The following KLHL1 variants were observed in gnomAD, a reference collection of about 807,000 sequenced individuals.
KLHL1 encodes kelch like family member 1.
Under a neutral mutation model 77.7 loss-of-function variants are expected in KLHL1, and 47 were observed. That is an observed-to-expected ratio of 0.60 (90% confidence interval 0.48 to 0.77). The LOEUF is 0.77. KLHL1 is among the 30% of genes least tolerant of loss of function. The pLI is 0.00. For missense variants in KLHL1, 925 were observed against 910.8 expected (o/e 1.02, Z -0.20); for synonymous variants, 360 against 325.2 (o/e 1.11, Z -1.15).
intron 1 of KLHL1, among the ~76,000 whole-genome samples, chr13:70,081,012 G>T (rs1219184285): frequency 6.6e-6 from 1 of 152,152 alleles, no homozygotes; most frequent in African/African-American, 2.4e-5. Context: ...ATTGCAAAGT[G>T]CATATCATAA....
intron 9 of KLHL1, among the ~76,000 whole-genome samples, chr13:69,710,611 T>A (rs1875828789): frequency 6.6e-6 from 1 of 152,022 alleles, no homozygotes; most frequent in South Asian, 2.1e-4. Context: ...TTTTTCTATA[T>A]TCAGGAACTC....
chr13:70,014,928 C>T (rs553143135), intron 1 of KLHL1, among the ~76,000 whole-genome samples: 74 of 152,060 alleles, frequency 4.9e-4, no homozygotes, highest in Non-Finnish European at 9.1e-4. Context: ...CATTTTAAAA[C>T]AACACATTTA....
chr13:69,918,006 G>T (rs1469104448), intron 4 of KLHL1, among the ~76,000 whole-genome samples: 2 of 152,134 alleles, frequency 1.3e-5, no homozygotes, highest in East Asian at 1.9e-4. Flanking sequence ...TTGATATGTT[G>T]TAAGGCACCC....
At chr13:70,100,399 A>AT (rs567693973) in intron 1 of KLHL1, among the ~76,000 whole-genome samples, 1 of 151,944 alleles carries the variant, frequency 6.6e-6, no homozygotes, top group Non-Finnish European at 1.5e-5. Flanking sequence ...AGCTTGCTAC[A>AT]TTTTTTTGTC....
At chr13:69,869,059 T>C (rs1880480683) in intron 5 of KLHL1, among the ~76,000 whole-genome samples, 1 of 151,874 alleles carries the variant, frequency 6.6e-6, no homozygotes, top group African/African-American at 2.4e-5. Context: ...AGCTAGAAAA[T>C]ATCGGGGGTG....
At chr13:69,976,107 T>C (rs1003695778) in intron 1 of KLHL1, among the ~76,000 whole-genome samples, 1 of 152,060 alleles carries the variant, frequency 6.6e-6, no homozygotes, top group African/African-American at 2.4e-5. Context: ...AATAGTAAAT[T>C]ATTTACATGC....
intron 1 of KLHL1, among the ~76,000 whole-genome samples, chr13:70,024,521 C>T (rs1035271626): frequency 5.3e-5 from 8 of 151,602 alleles, no homozygotes; most frequent in African/African-American, 7.3e-5. Flanking sequence ...TTCTCCTCAA[C>T]GTAAGTTTTT....
At chr13:69,944,280 T>C (rs1883450255) in intron 3 of KLHL1, among the ~76,000 whole-genome samples, 1 of 152,186 alleles carries the variant, frequency 6.6e-6, no homozygotes, top group Non-Finnish European at 1.5e-5. Context: ...GTGAGCTTCC[T>C]TGGTTGACAT....
chr13:69,882,999 C>CTAT (rs1278283180), intron 4 of KLHL1, among the ~76,000 whole-genome samples: 3 of 152,122 alleles, frequency 2.0e-5, no homozygotes, highest in South Asian at 4.1e-4. Context: ...TTCCATCCTG[C>CTAT]TATTATCTCT....
intron 10 of KLHL1, among the ~76,000 whole-genome samples, chr13:69,705,063 T>A (rs1269423041): frequency 6.6e-6 from 1 of 151,744 alleles, no homozygotes; most frequent in Non-Finnish European, 1.5e-5. Flanking sequence ...GGTTAATAAA[T>A]GACACATTGT....
At chr13:69,778,332 A>AT (rs1875941878) in intron 7 of KLHL1, among the ~76,000 whole-genome samples, 1 of 152,184 alleles carries the variant, frequency 6.6e-6, no homozygotes, top group South Asian at 2.1e-4. Context: ...AAGGTTTCTT[A>AT]TAAAAAGAAA....
intron 4 of KLHL1, among the ~76,000 whole-genome samples, chr13:69,899,422 T>G (rs1881778792): frequency 6.6e-6 from 1 of 152,206 alleles, no homozygotes; most frequent in African/African-American, 2.4e-5. Flanking sequence ...ATCCTCTGCA[T>G]AAGAAGTACA....
chr13:69,928,720 A>G (rs912400481), intron 4 of KLHL1, among the ~76,000 whole-genome samples: 1 of 152,180 alleles, frequency 6.6e-6, no homozygotes, highest in African/African-American at 2.4e-5. Flanking sequence ...ATGCCCATCA[A>G]TTGAATATCT....
At chr13:70,090,014 G>C (rs1887635573) in intron 1 of KLHL1, among the ~76,000 whole-genome samples, 1 of 151,994 alleles carries the variant, frequency 6.6e-6, no homozygotes, top group South Asian at 2.1e-4. Flanking sequence ...CCTCTGAAAA[G>C]CCCATTTAAT....
chr13:70,011,539 A>G (rs1885533688), intron 1 of KLHL1, among the ~76,000 whole-genome samples: 2 of 152,100 alleles, frequency 1.3e-5, no homozygotes, highest in South Asian at 4.1e-4. Flanking sequence ...GGAAATTAGA[A>G]GTTTGATTTT....
intron 6 of KLHL1, among the ~76,000 whole-genome samples, chr13:69,821,855 C>T (rs921774451): frequency 1.3e-5 from 2 of 152,014 alleles, no homozygotes; most frequent in African/African-American, 4.8e-5. Flanking sequence ...ATTAATAGAA[C>T]TTAAGCTAAA....
chr13:69,995,770 C>T (rs1292568987), intron 1 of KLHL1, among the ~76,000 whole-genome samples: 2 of 151,996 alleles, frequency 1.3e-5, no homozygotes, highest in African/African-American at 4.8e-5. Flanking sequence ...ACATCCATAC[C>T]CTGGTGTGTT....
chr13:70,072,371 A>C (rs1381477227), intron 1 of KLHL1, among the ~76,000 whole-genome samples: 3 of 152,178 alleles, frequency 2.0e-5, no homozygotes, highest in African/African-American at 4.8e-5. Flanking sequence ...GTTAAGGTAG[A>C]AATGATGCCA....
chr13:70,105,710 A>G (rs907780244), intron 1 of KLHL1, among the ~76,000 whole-genome samples: 1 of 151,218 alleles, frequency 6.6e-6, no homozygotes, highest in Non-Finnish European at 1.5e-5. Context: ...TTTAAATTAT[A>G]AAATTATAGG....
Sources: gnomAD v4.1 joint callset for allele counts (sites outside exome capture counted in the v4.1 genomes callset) on GRCh38, gnomAD v4.1.1 for gene constraint, MANE v1.5 for transcripts, NCBI Gene and HGNC (gene_info 2026-07-23, HGNC 2026-07-21) for gene names.